LAMP3: variants seen among roughly 807,000 people sequenced by gnomAD.
LAMP3 encodes the protein lysosome associated membrane protein 3.
Under a neutral mutation model 34.8 loss-of-function variants are expected in LAMP3, and 26 were observed. The observed-to-expected ratio is 0.75, with a 90% confidence interval of 0.55 to 1.04. LAMP3 has a LOEUF of 1.04. LAMP3 is among the 50% of genes least tolerant of loss of function. The pLI is 0.00. For missense variants in LAMP3, 495 were observed against 524.0 expected (o/e 0.94, Z 0.54); for synonymous variants, 180 against 201.9 (o/e 0.89, Z 0.92).
At chr3:183,127,476 T>A (rs572147189) in intron 5 of LAMP3, among the ~76,000 whole-genome samples, 2 of 151,452 alleles carry the variant, frequency 1.3e-5, no homozygotes, top group South Asian at 2.1e-4. Flanking sequence ...TTGTCTATGT[T>A]TTTTTTTTCT....
chr3:183,163,356 G>C (rs549720365), upstream of LAMP3, among the ~76,000 whole-genome samples: 2 of 151,526 alleles, frequency 1.3e-5, no homozygotes, highest in African/African-American at 4.8e-5. Context: ...AGGCTGGAGT[G>C]CAGTGGCGGG....
At chr3:183,159,421 G>C (rs541191273) in intron 1 of LAMP3, among the ~76,000 whole-genome samples, 11 of 152,344 alleles carry the variant, frequency 7.2e-5, no homozygotes, top group African/African-American at 2.6e-4. Flanking sequence ...GTGAGGAGGG[G>C]AGACCAGCAG....
intron 3 of LAMP3, among the ~76,000 whole-genome samples, chr3:183,151,370 A>C (rs774377767): frequency 2.0e-4 from 31 of 151,534 alleles, no homozygotes; most frequent in Admixed American, 4.6e-4. Context: ...CAATCACTGC[A>C]ATTGCAGCTG....
chr3:183,130,524 A>T (rs149130288), intron 5 of LAMP3, among the ~76,000 whole-genome samples: 3 of 152,250 alleles, frequency 2.0e-5, no homozygotes, highest in East Asian at 3.9e-4. Context: ...CACAGTGGCC[A>T]TGCAGTTTGT....
chr3:183,126,195 G>C (rs770650732), intron 5 of LAMP3, among the ~76,000 whole-genome samples: 2 of 151,666 alleles, frequency 1.3e-5, no homozygotes, highest in Non-Finnish European at 2.9e-5. Flanking sequence ...ATAGTATTCA[G>C]ACAATAGAAA....
intron 5 of LAMP3, among the ~76,000 whole-genome samples, chr3:183,125,867 G>A (rs947740209): frequency 6.6e-6 from 1 of 152,090 alleles, no homozygotes; most frequent in Non-Finnish European, 1.5e-5. Context: ...TACAGATGGG[G>A]TCTTGCTATG....
rs766749050 is a variant in LAMP3 at position 183,154,051 on chromosome 3, G to A, written c.390C>T (p.Ala130=). ...VTEVTVGPSL[A]PYSLPPTITP... is the part of the protein sequence containing the mutation. The stretch of plus-strand genomic sequence containing the variant: ...TGATGGTGGGTGGCAGTGAATAAGG[G>A]GCTAAGCTAGGGCCGACTGTAACTT... Residue 130 remains alanine (A), a synonymous_variant, in exon 2 of 6, where the codon GCC becomes GCT. Coordinates refer to ENST00000265598, the MANE Select transcript of LAMP3 (RefSeq NM_014398.4). 4 of 1,614,110 alleles carry A rather than the reference G, an allele frequency of 2.5e-6. No homozygotes were observed. The South Asian group carries it at 4.4e-5, about 18-fold the overall frequency.
chr3:183,123,391 T>C lies in LAMP3; in HGVS notation c.*690A>G, dbSNP rs557852609. 6.6e-6 allele frequency: 1 copy of C among 152,262 alleles called. No homozygotes were observed. The highest frequency in any genetic ancestry group is 2.1e-4 in the South Asian group (1 of 4,822). 9.4% of individuals were successfully genotyped at this position (152,262 alleles called of 1,614,324 possible). ...CTGGCCAACATGGTGAAACCCCGTCTATAATAAAAATACAAAAATTAGCCA... is the reference window on the plus strand; with the variant it reads ...CTGGCCAACATGGTGAAACCCCGTCCATAATAAAAATACAAAAATTAGCCA... On this transcript the variant is annotated 3_prime_UTR_variant, in exon 6 of 6. Coordinates refer to ENST00000265598, the MANE Select transcript of LAMP3 (RefSeq NM_014398.4).
rs185568149 is a variant in LAMP3 at position 183,131,574 on chromosome 3, G to C, written c.1117+4143C>G. ...TTTCTGACACTCTGGATGTCTTCAGGGGCTCTTAGTGCTCTTTTGAAGCTG... is the reference window on the plus strand; with the variant it reads ...TTTCTGACACTCTGGATGTCTTCAGCGGCTCTTAGTGCTCTTTTGAAGCTG... On this transcript the variant is annotated intron_variant, in intron 5 of 5. Transcript: ENST00000265598. Among the ~76,000 whole-genome samples, 993 of 152,196 alleles carry C rather than the reference G, an allele frequency of 6.5e-3. 3 individuals carry two copies. The highest frequency in any genetic ancestry group is 0.011 in the Non-Finnish European group (757 of 68,008).
chr3:183,151,418 C>T (rs1720627107), intron 3 of LAMP3, among the ~76,000 whole-genome samples: 1 of 149,678 alleles, frequency 6.7e-6, no homozygotes, highest in East Asian at 2.0e-4. Flanking sequence ...GTGTATGGGG[C>T]ATGCTCTTTT....
In LAMP3 at chr3:183,152,464, C is replaced by A. The variant is rs777689064; in HGVS notation, c.799G>T (p.Ala267Ser). ...CCACAGTTCCCAGAGGCTTGCGTTG[C>A]GTTGGGGTCGATGTTGAAGTATCTC... The part of the protein sequence containing the change: ...PRRYFNIDPN[A>S]TQASGNCGTR... Residue 267 changes from alanine to serine, a missense_variant, in exon 3 of 6, where the codon GCA becomes TCA. Transcript: ENST00000265598. The A allele has an allele frequency of 3.7e-6, 6 of 1,612,288 alleles. No homozygotes were observed. The highest frequency in any genetic ancestry group is 4.2e-6 in the Non-Finnish European group (5 of 1,179,248).
In LAMP3 at chr3:183,152,465, G is replaced by A. The variant is rs116672488; in HGVS notation, c.798C>T (p.Asn266=). ...CACAGTTCCCAGAGGCTTGCGTTGC[G>A]TTGGGGTCGATGTTGAAGTATCTCC... The part of the protein sequence containing the change: ...SPRRYFNIDP[N]ATQASGNCGT... The change falls in exon 3 of 6, where the codon AAC becomes AAT. Residue 266 remains asparagine (N), a synonymous_variant. Transcript: ENST00000265598. 9.1e-5 allele frequency: 147 copies of A among 1,612,772 alleles called. No homozygotes were observed. The highest frequency in any genetic ancestry group is 1.1e-4 in the Non-Finnish European group (130 of 1,179,454).
At chr3:183,135,250 G>A (rs934459156) in intron 5 of LAMP3, among the ~76,000 whole-genome samples, 1 of 152,194 alleles carries the variant, frequency 6.6e-6, no homozygotes. Flanking sequence ...ATTGAGATGA[G>A]GGGGTCCAAC....
In LAMP3 at chr3:183,153,683, G is replaced by T; in HGVS notation, c.758C>A (p.Ser253Ter). Residue 253 changes from serine to a stop codon, truncating the protein, a stop_gained and splice_region_variant, in exon 2 of 6, where the codon TCG becomes TAG. Coordinates refer to ENST00000265598, the MANE Select transcript of LAMP3 (RefSeq NM_014398.4). LOFTEE classifies it high-confidence loss of function. ...GIQLIVQDKE[S>*]VFSPRRYFNI... The stretch of plus-strand genomic sequence containing the variant: ...TATAGTCCTGTGGCCCCAACTTACC[G>T]ACTCCTTGTCTTGAACAATCAGCTG... 6.6e-7 allele frequency: 1 copy of T among 1,512,446 alleles called. No homozygotes were observed. The highest frequency in any genetic ancestry group is 1.3e-5 in the South Asian group (1 of 74,152). 93.7% of individuals were successfully genotyped at this position (1,512,446 alleles called of 1,614,324 possible).
chr3:183,126,811 TTAAGA>T (rs546677294), intron 5 of LAMP3, among the ~76,000 whole-genome samples: 2 of 152,208 alleles, frequency 1.3e-5, no homozygotes, highest in Non-Finnish European at 2.9e-5. Context: ...AATACTTTTA[TTAAGA>T]TAGGATCATA....
In LAMP3 at chr3:183,124,042, T is replaced by G. The variant is rs1719725598; in HGVS notation, c.*39A>C. 3 of 1,611,946 alleles carry G rather than the reference T, an allele frequency of 1.9e-6. No homozygotes were observed. In the African/African-American group the frequency reaches 4.0e-5, roughly 22 times the overall value. On this transcript the variant is annotated 3_prime_UTR_variant, in exon 6 of 6. Transcript: ENST00000265598. ...TCCATCCTGGAAGGGATGAAAGAGT[T>G]CTCTAAATTCCATTATTTTCATTCC...
At chr3:183,140,055 G>C (rs1169498331) in intron 4 of LAMP3, among the ~76,000 whole-genome samples, 3 of 152,138 alleles carry the variant, frequency 2.0e-5, no homozygotes, top group African/African-American at 7.2e-5. Flanking sequence ...ACAGCACACA[G>C]AGGCGTAGTA....
chr3:183,161,577 G>C (rs930982352), intron 1 of LAMP3, among the ~76,000 whole-genome samples: 2 of 151,886 alleles, frequency 1.3e-5, no homozygotes, highest in African/African-American at 4.8e-5. Context: ...TTTTAGTAGA[G>C]GCGGGGTTTC....
upstream of LAMP3, chr3:183,162,985 T>G: frequency 3.7e-6 from 1 of 273,382 alleles, no homozygotes; most frequent in Admixed American, 5.2e-5. Flanking sequence ...TGAGACGAAG[T>G]CTCGCTCTGT....
Sources: allele counts gnomAD v4.1 joint callset (sites outside exome capture counted in the v4.1 genomes callset), GRCh38; gene constraint gnomAD v4.1.1; transcripts MANE v1.5; gene names NCBI Gene and HGNC (gene_info 2026-07-23, HGNC 2026-07-21).